Variants in OPRM1 observed in about 807,000 individuals in gnomAD.
The protein encoded by OPRM1 is opioid receptor mu 1, also known as mu-type opioid receptor.
Under a neutral mutation model 31.8 loss-of-function variants are expected in OPRM1, and 27 were observed. The ratio of observed to expected loss-of-function variants is 0.85; its 90% CI spans 0.63 to 1.17. The LOEUF is 1.17. Ranked by LOEUF, OPRM1 falls within the 50% of genes most tolerant of loss-of-function variation. The probability of loss-of-function intolerance (pLI) is 0.00; values close to 1 mark genes in which losing one functional copy is unlikely to be tolerated. For missense variants in OPRM1, 536 were observed against 511.1 expected (o/e 1.05, Z -0.47); for synonymous variants, 196 against 189.9 (o/e 1.03, Z -0.26).
At chr6:154,055,104 T>C (rs1458347490) in intron 1 of OPRM1, among the ~76,000 whole-genome samples, 1 of 152,186 alleles carries the variant, frequency 6.6e-6, no homozygotes, top group Non-Finnish European at 1.5e-5. Flanking sequence ...TCTGTAAAGC[T>C]TGGCTGGGCG....
chr6:154,193,792 T>C (rs923292627), intron 3 of OPRM1, among the ~76,000 whole-genome samples: 1 of 152,216 alleles, frequency 6.6e-6, no homozygotes, highest in Non-Finnish European at 1.5e-5. Flanking sequence ...CAAAGCCACA[T>C]TAATTTAGAA....
intron 3 of OPRM1, chr6:154,109,030 T>C: frequency 1.0e-6 from 1 of 985,184 alleles, no homozygotes; most frequent in Non-Finnish European, 1.2e-6. Context: ...GTTGGAATTA[T>C]AGGTCACATC....
intron 3 of OPRM1, among the ~76,000 whole-genome samples, chr6:154,146,378 CAACAG>C (rs1287661186): frequency 5.9e-5 from 9 of 152,052 alleles, no homozygotes; most frequent in African/African-American, 2.2e-4. Context: ...CTAGTCTGGG[CAACAG>C]AACAAGACTC....
chr6:154,200,384 A>G (rs1776963559), intron 3 of OPRM1, among the ~76,000 whole-genome samples: 1 of 152,226 alleles, frequency 6.6e-6, no homozygotes, highest in South Asian at 2.1e-4. Flanking sequence ...ATAATTTGCA[A>G]TCTATCACTG....
chr6:154,027,808 T>G (rs1373763560), intron 1 of OPRM1, among the ~76,000 whole-genome samples: 1 of 152,194 alleles, frequency 6.6e-6, no homozygotes, highest in Non-Finnish European at 1.5e-5. Flanking sequence ...GCTGTTCCCT[T>G]AAGCCCCAAA....
At chr6:154,228,005 A>G (rs1779400499) in intron 3 of OPRM1, among the ~76,000 whole-genome samples, 1 of 152,290 alleles carries the variant, frequency 6.6e-6, no homozygotes, top group Admixed American at 6.5e-5. Flanking sequence ...AAATGCCTCA[A>G]AAATGACAAT....
chr6:154,132,894 G>A (rs1347684730), downstream of OPRM1, among the ~76,000 whole-genome samples: 1 of 152,088 alleles, frequency 6.6e-6, no homozygotes, highest in Non-Finnish European at 1.5e-5. Context: ...GCCTGAGGTG[G>A]GTGGATCACG....
intron 1 of OPRM1, among the ~76,000 whole-genome samples, chr6:154,049,386 G>A (rs917029941): frequency 6.6e-6 from 1 of 152,200 alleles, no homozygotes; most frequent in African/African-American, 2.4e-5. Flanking sequence ...AGACAGCAGA[G>A]CATTGCCTTG....
chr6:154,173,076 C>G (rs1240536469), intron 3 of OPRM1, among the ~76,000 whole-genome samples: 1 of 152,230 alleles, frequency 6.6e-6, no homozygotes, highest in Non-Finnish European at 1.5e-5. Context: ...AGCTGAGGGT[C>G]CTGTCTGTTA....
intron 3 of OPRM1, among the ~76,000 whole-genome samples, chr6:154,137,550 C>G (rs2128536739): frequency 6.6e-6 from 1 of 152,116 alleles, no homozygotes; most frequent in East Asian, 1.9e-4. Flanking sequence ...GTACTCTATA[C>G]CAGGGGCCAC....
intron 1 of OPRM1, among the ~76,000 whole-genome samples, chr6:154,047,119 G>A (rs1285646991): frequency 6.6e-6 from 1 of 152,176 alleles, no homozygotes; most frequent in Non-Finnish European, 1.5e-5. Flanking sequence ...CATATGCTTC[G>A]AGAGTACAGG....
intron 1 of OPRM1, among the ~76,000 whole-genome samples, chr6:154,067,780 T>C (rs1189905185): frequency 1.3e-5 from 2 of 152,092 alleles, no homozygotes; most frequent in Non-Finnish European, 2.9e-5. Context: ...TCTTCAATTC[T>C]GTCCACTTTT....
chr6:154,191,020 C>T (rs1449094232), intron 3 of OPRM1, among the ~76,000 whole-genome samples: 3 of 152,032 alleles, frequency 2.0e-5, no homozygotes, highest in Non-Finnish European at 4.4e-5. Context: ...CGCGCCACTG[C>T]ACTGCAGCCT....
chr6:154,183,450 C>A (rs1406077530), intron 3 of OPRM1, among the ~76,000 whole-genome samples: 1 of 152,174 alleles, frequency 6.6e-6, no homozygotes, highest in Non-Finnish European at 1.5e-5. Flanking sequence ...CATTTGAGAA[C>A]ATTTTGACCA....
At chr6:154,086,294 A>G (rs1380241309) in intron 1 of OPRM1, among the ~76,000 whole-genome samples, 9 of 152,232 alleles carry the variant, frequency 5.9e-5, no homozygotes, top group Admixed American at 5.2e-4. Flanking sequence ...CTGTGATCCA[A>G]AGCATGAGTA....
At chr6:154,099,515 G>T (rs757496260) in intron 3 of OPRM1, among the ~76,000 whole-genome samples, 15 of 150,528 alleles carry the variant, frequency 1.0e-4, no homozygotes, top group Non-Finnish European at 2.2e-4. Flanking sequence ...AGGAAGGAAA[G>T]AATGAGAGAA....
intron 3 of OPRM1, among the ~76,000 whole-genome samples, chr6:154,113,266 T>G (rs189786066): frequency 5.9e-5 from 9 of 152,284 alleles, no homozygotes; most frequent in African/African-American, 1.7e-4. Context: ...GGAACAGTAC[T>G]CACACTGCTG....
At position 154,131,820 on chromosome 6, in the gene OPRM1, T is replaced by G. The variant is rs946463153; in HGVS notation, c.*13099T>G. ...AAAATATTTGCCTGGAAACCTGTAT[T>G]TCGCCTATAGAGACAAATACATATA... On this transcript the variant is annotated 3_prime_UTR_variant, in exon 4 of 4. Transcript: ENST00000330432. Among the ~76,000 whole-genome samples, 4 of 152,190 alleles carry G rather than the reference T, an allele frequency of 2.6e-5. No homozygotes were observed. Among genetic ancestry groups the G allele is most frequent in the Non-Finnish European group, 5.9e-5 (4 of 68,026 alleles).
intron 3 of OPRM1, among the ~76,000 whole-genome samples, chr6:154,100,300 A>ATATTATGACATATATTAT (rs1562473045): frequency 6.8e-6 from 1 of 146,512 alleles, no homozygotes; most frequent in Non-Finnish European, 1.5e-5. Flanking sequence ...AATATATATC[A>ATATTATGACATATATTAT]AAAAGTCACA....
Sources: gnomAD v4.1 joint callset for allele counts (sites outside exome capture counted in the v4.1 genomes callset) on GRCh38, gnomAD v4.1.1 for gene constraint, MANE v1.5 for transcripts, NCBI Gene and HGNC (gene_info 2026-07-23, HGNC 2026-07-21) for gene names.